The following NFIA variants were observed in gnomAD, a reference collection of about 807,000 sequenced individuals.
NFIA encodes the protein nuclear factor I A.
A neutral mutation model predicts 62.8 loss-of-function variants in NFIA; 8 were observed. That is an observed-to-expected ratio of 0.13 (90% CI 0.07 to 0.23). NFIA has a LOEUF of 0.23. Among genes scored for constraint, NFIA ranks in the 10% least tolerant of loss-of-function variants. The probability of loss-of-function intolerance (pLI) is 1.00; values close to 1 mark genes in which losing one functional copy is unlikely to be tolerated. For synonymous variants in NFIA, 235 were observed against 238.1 expected (o/e 0.99, Z 0.12); for missense variants, 410 against 642.1 (o/e 0.64, Z 3.91).
chr1:61,449,696 G>T (rs774904969), intron 10 of NFIA, among the ~76,000 whole-genome samples: 3 of 152,168 alleles, frequency 2.0e-5, no homozygotes, highest in Non-Finnish European at 4.4e-5. Context: ...GGCCAATCCC[G>T]GCCCATTACG....
intron 8 of NFIA, among the ~76,000 whole-genome samples, chr1:61,405,957 T>C (rs1294745447): frequency 6.6e-6 from 1 of 152,184 alleles, no homozygotes; most frequent in South Asian, 2.1e-4. Context: ...ATTCTAAAGT[T>C]TCTGTGCCTG....
intron 3 of NFIA, among the ~76,000 whole-genome samples, chr1:61,302,529 G>T (rs1172750053): frequency 1.3e-5 from 2 of 152,048 alleles, no homozygotes; most frequent in Non-Finnish European, 2.9e-5. Context: ...GAAAACATGT[G>T]GTGTGTGTTG....
intron 9 of NFIA, among the ~76,000 whole-genome samples, chr1:61,422,450 C>A (rs1342096129): frequency 6.6e-6 from 1 of 152,138 alleles, no homozygotes; most frequent in African/African-American, 2.4e-5. Context: ...AAAACTAATT[C>A]ATCTGGAAAT....
chr1:61,302,746 A>G lies in NFIA; in HGVS notation c.625+25161A>G, dbSNP rs181351111. ...ACATTTTATTGCAATATTTTGGAAAAAACATCCACAAACAAACCTAAGTTT... is the reference window on the plus strand; with the variant it reads ...ACATTTTATTGCAATATTTTGGAAAGAACATCCACAAACAAACCTAAGTTT... On this transcript the variant is annotated intron_variant, in intron 3 of 10. Coordinates refer to ENST00000403491, the MANE Select transcript of NFIA (RefSeq NM_001134673.4). Among the ~76,000 whole-genome samples, 250 of 152,318 alleles carry G rather than the reference A, an allele frequency of 1.6e-3. 3 individuals carry two copies. The highest frequency in any genetic ancestry group is 0.012 in the Admixed American group (184 of 15,294).
chr1:61,167,366 T>A (rs904370323), intron 2 of NFIA, among the ~76,000 whole-genome samples: 7 of 152,224 alleles, frequency 4.6e-5, no homozygotes, highest in Non-Finnish European at 1.0e-4. Context: ...AGGAGGCATT[T>A]TCTTTGTAGA....
chr1:61,200,040 ATATATATATATATATATATATATATATG>A (rs1315134567), intron 2 of NFIA, among the ~76,000 whole-genome samples: 488 of 47,108 alleles, frequency 0.01, 25 homozygotes, highest in African/African-American at 0.057. Flanking sequence ...ATATATATAT[ATATATATATATATATATATATATATATG>A]TATGTATGTT....
At chr1:61,116,763 A>G (rs1646799825) in intron 2 of NFIA, among the ~76,000 whole-genome samples, 1 of 152,240 alleles carries the variant, frequency 6.6e-6, no homozygotes, top group Non-Finnish European at 1.5e-5. Flanking sequence ...TTCTCATTTT[A>G]GACATCTGTT....
At chr1:61,389,506 C>T (rs1342823339) in intron 7 of NFIA, among the ~76,000 whole-genome samples, 1 of 152,148 alleles carries the variant, frequency 6.6e-6, no homozygotes, top group East Asian at 1.9e-4. Context: ...ACATATTCCC[C>T]ATTATTTTTA....
intron 2 of NFIA, among the ~76,000 whole-genome samples, chr1:61,166,991 A>G (rs926064515): frequency 1.3e-5 from 2 of 152,096 alleles, no homozygotes; most frequent in African/African-American, 4.8e-5. Flanking sequence ...AATACAAAAA[A>G]TTAGCCGGGC....
intron 2 of NFIA, among the ~76,000 whole-genome samples, chr1:61,101,105 A>G (rs1265188083): frequency 6.6e-6 from 1 of 152,128 alleles, no homozygotes; most frequent in East Asian, 1.9e-4. Context: ...ATTATTTAAT[A>G]GTTCACCTGG....
chr1:61,321,472 G>T (rs1343145038), intron 3 of NFIA, among the ~76,000 whole-genome samples: 3 of 151,890 alleles, frequency 2.0e-5, no homozygotes, highest in Admixed American at 6.6e-5. Flanking sequence ...AGGACGGAAG[G>T]ATATTTAGCC....
At chr1:61,125,569 G>A (rs570095628) in intron 2 of NFIA, among the ~76,000 whole-genome samples, 1 of 152,310 alleles carries the variant, frequency 6.6e-6, no homozygotes, top group South Asian at 2.1e-4. Flanking sequence ...AGGGACTCGT[G>A]TGTGGGGAAT....
At chr1:61,131,238 A>T (rs982851026) in intron 2 of NFIA, among the ~76,000 whole-genome samples, 2 of 151,484 alleles carry the variant, frequency 1.3e-5, no homozygotes, top group Non-Finnish European at 2.9e-5. Flanking sequence ...CAGCAACTGG[A>T]AGTTCACTCT....
chr1:61,137,034 T>C (rs334730), intron 2 of NFIA, among the ~76,000 whole-genome samples: 143,148 of 152,252 alleles, frequency 0.94, 67,400 homozygotes, highest in Middle Eastern at 0.97. Flanking sequence ...AAGCAAACTG[T>C]CCTATAAATA....
intron 2 of NFIA, among the ~76,000 whole-genome samples, chr1:61,243,751 C>T (rs1655481931): frequency 6.6e-6 from 1 of 152,202 alleles, no homozygotes; most frequent in African/African-American, 2.4e-5. Context: ...GCCAATCAGG[C>T]AGTGTTTACG....
intron 9 of NFIA, among the ~76,000 whole-genome samples, chr1:61,412,396 C>T (rs1456455415): frequency 6.6e-6 from 1 of 152,116 alleles, no homozygotes; most frequent in Admixed American, 6.5e-5. Context: ...ATGACCTGCA[C>T]CAACGTGGGA....
intron 2 of NFIA, among the ~76,000 whole-genome samples, chr1:61,153,656 T>A (rs1461185769): frequency 1.3e-5 from 2 of 152,220 alleles, no homozygotes; most frequent in African/African-American, 4.8e-5. Context: ...AAGTGTATAG[T>A]TTTTGTTTGA....
At chr1:61,166,533 C>G (rs1649577894) in intron 2 of NFIA, among the ~76,000 whole-genome samples, 1 of 152,070 alleles carries the variant, frequency 6.6e-6, no homozygotes, top group Admixed American at 6.6e-5. Flanking sequence ...TGAAGAAACA[C>G]CTACCAAACT....
chr1:61,216,712 G>T (rs1653648004), intron 2 of NFIA, among the ~76,000 whole-genome samples: 1 of 152,144 alleles, frequency 6.6e-6, no homozygotes, highest in South Asian at 2.1e-4. Flanking sequence ...CTAAAAAGGG[G>T]ATTGAGGCTG....
Sources: allele counts gnomAD v4.1 joint callset (sites outside exome capture counted in the v4.1 genomes callset), GRCh38; gene constraint gnomAD v4.1.1; transcripts MANE v1.5; gene names NCBI Gene and HGNC (gene_info 2026-07-23, HGNC 2026-07-21).